The following MINAR1 variants were observed in gnomAD, a reference collection of about 807,000 sequenced individuals.
The protein encoded by MINAR1 is membrane integral NOTCH2 associated receptor 1.
Under a neutral mutation model 65.1 loss-of-function variants are expected in MINAR1, and 40 were observed. The ratio of observed to expected loss-of-function variants is 0.61; its 90% CI spans 0.48 to 0.80. The LOEUF is 0.80. Among genes scored for constraint, MINAR1 ranks in the 30% least tolerant of loss-of-function variants. The probability of loss-of-function intolerance (pLI) is 0.00; values close to 1 mark genes in which losing one functional copy is unlikely to be tolerated. For missense variants in MINAR1, 1,128 were observed against 1,148.0 expected, an observed-to-expected ratio of 0.98 and a Z score of 0.25; for synonymous variants, 482 against 449.1, an observed-to-expected ratio of 1.07 and a Z score of -0.93.
intron 2 of MINAR1, among the ~76,000 whole-genome samples, chr15:79,461,135 T>C (rs1425819736): frequency 6.6e-6 from 1 of 152,218 alleles, no homozygotes; most frequent in African/African-American, 2.4e-5. Flanking sequence ...ATACGTATTA[T>C]GTATATATAT....
In MINAR1 at chr15:79,457,633, G is replaced by A. The variant is rs544980722; in HGVS notation, c.1486G>A (p.Gly496Ser). Residue 496 changes from glycine (G) to serine (S), a missense_variant, in exon 2 of 4, where the codon GGC (glycine) becomes AGC (serine). By Grantham distance (56) the Gly-to-Ser change is moderately conservative. Coordinates refer to ENST00000305428, the MANE Select transcript of MINAR1 (RefSeq NM_015206.3). ...KCRDLCTSGQGKYSDRHTMKH... is the reference protein window; with the variant it reads ...KCRDLCTSGQSKYSDRHTMKH... ...CAGAGACCTGTGCACCTCTGGTCAG[G>A]GCAAGTACAGTGACAGGCACACCAT... 1.2e-6 allele frequency: 2 copies of A among 1,614,158 alleles called. No individual in the cohort carries two copies. The highest frequency in any genetic ancestry group is 1.7e-6 in the Non-Finnish European group (2 of 1,180,038).
chr15:79,467,432 G>A (rs144822998), intron 3 of MINAR1, among the ~76,000 whole-genome samples: 8 of 152,308 alleles, frequency 5.3e-5, no homozygotes, highest in South Asian at 2.1e-4. Flanking sequence ...AACTGTCAAC[G>A]TGGAATAGGA....
intron 1 of MINAR1, among the ~76,000 whole-genome samples, chr15:79,437,104 A>G (rs1894623224): frequency 1.0e-5 from 1 of 96,956 alleles, no homozygotes; most frequent in Admixed American, 1.2e-4. Flanking sequence ...CAAGTAACTA[A>G]CTAAGAAAAC....
In MINAR1 at chr15:79,457,969, C is replaced by A; in HGVS notation, c.1822C>A (p.Arg608=). ...KLVLRIGEIE[R]KLESLSGVRD... The stretch of plus-strand genomic sequence containing the variant: ...GGTGCTCAGGATTGGCGAAATTGAA[C>A]GGAAGCTGGAATCCCTGTCGGGTGT... The change falls in exon 2 of 4, where the codon CGG becomes AGG. Residue 608 remains arginine, a synonymous_variant. Transcript: ENST00000305428. 1.2e-6 allele frequency: 2 copies of A among 1,614,078 alleles called. No individual in the cohort carries two copies. The highest frequency in any genetic ancestry group is 1.7e-6 in the Non-Finnish European group (2 of 1,179,980).
chr15:79,447,443 ATCT>A (rs1426170897), intron 1 of MINAR1, among the ~76,000 whole-genome samples: 1 of 149,640 alleles, frequency 6.7e-6, no homozygotes, highest in Non-Finnish European at 1.5e-5. Flanking sequence ...GTATATTTGT[ATCT>A]TCTTTAAGAT....
chr15:79,469,577 A>ATACTTGATTTTTATTTATT lies in MINAR1; in HGVS notation c.*1194_*1212dup, dbSNP rs1396500286. ...TCTATATGTCTATCTATCTATCTAA[A>ATACTTGATTTTTATTTATT]TACTTGATTTTTATTTATTGTCTTC... On this transcript the variant is annotated 3_prime_UTR_variant, in exon 4 of 4. Coordinates refer to ENST00000305428, the MANE Select transcript of MINAR1 (RefSeq NM_015206.3). 6.6e-6 allele frequency: 1 copy of ATACTTGATTTTTATTTATT among 152,530 alleles called. No homozygotes were observed. The highest frequency in any genetic ancestry group is 1.5e-5 in the Non-Finnish European group (1 of 68,036). The allele number at this position is 152,530 out of a possible 1,614,324, so 9.4% of individuals were successfully genotyped here.
At chr15:79,442,924 A>C (rs990616045) in intron 1 of MINAR1, among the ~76,000 whole-genome samples, 8 of 152,286 alleles carry the variant, frequency 5.3e-5, no homozygotes, top group African/African-American at 1.4e-4. Context: ...AAAGAAAAGA[A>C]TATGATATAG....
At position 79,471,586 on chromosome 15, in the gene MINAR1, G is replaced by A. The variant is rs894473966; in HGVS notation, c.*3202G>A. 6.6e-6 allele frequency: 1 copy of A among 152,556 alleles called. No individual in the cohort carries two copies. Among genetic ancestry groups the A allele is most frequent in the Non-Finnish European group, 1.5e-5 (1 of 68,020 alleles). 9.5% of individuals were successfully genotyped at this position (152,556 alleles called of 1,614,324 possible). On this transcript the variant is annotated 3_prime_UTR_variant, in exon 4 of 4. Coordinates refer to ENST00000305428, the MANE Select transcript of MINAR1 (RefSeq NM_015206.3). Reference sequence around the variant, plus strand: ...TGACATCTGTAAGGCTAGTTTAATAGACGTGCTAAATATCACTGTTCTGAA... The same window carrying A: ...TGACATCTGTAAGGCTAGTTTAATAAACGTGCTAAATATCACTGTTCTGAA...
chr15:79,455,392 C>T (rs149236823), intron 1 of MINAR1, among the ~76,000 whole-genome samples: 1 of 152,120 alleles, frequency 6.6e-6, no homozygotes, highest in Non-Finnish European at 1.5e-5. Context: ...TATGTAATTT[C>T]TAAATTGAGG....
chr15:79,457,242 A>G lies in MINAR1; in HGVS notation c.1095A>G (p.Pro365=). The change falls in exon 2 of 4, where the codon CCA becomes CCG. Residue 365 remains proline (P), a synonymous_variant. Transcript: ENST00000305428. ...LGKPNKQTPW[P]AKSWSLNTEE... ...AGCCCAACAAGCAGACTCCCTGGCC[A>G]GCCAAAAGCTGGAGCCTAAACACAG... 1 of 1,614,186 alleles carries G rather than the reference A, an allele frequency of 6.2e-7. No individual in the cohort carries two copies. The highest frequency in any genetic ancestry group is 8.5e-7 in the Non-Finnish European group (1 of 1,180,034).
chr15:79,457,899 C>T lies in MINAR1; in HGVS notation c.1752C>T (p.Asn584=), dbSNP rs1595948523. 1 of 1,614,116 alleles carries T rather than the reference C, an allele frequency of 6.2e-7. No individual in the cohort carries two copies. The highest frequency in any genetic ancestry group is 8.5e-7 in the Non-Finnish European group (1 of 1,180,018). ...SKGDKGNRPE[N]THHSEEELKT... Reference sequence around the variant, plus strand: ...GAGACAAGGGCAACCGGCCTGAAAACACCCACCACTCGGAAGAAGAGCTGA... The same window carrying T: ...GAGACAAGGGCAACCGGCCTGAAAATACCCACCACTCGGAAGAAGAGCTGA... Residue 584 remains asparagine, a synonymous_variant, in exon 2 of 4, where the codon AAC becomes AAT. Coordinates refer to ENST00000305428, the MANE Select transcript of MINAR1 (RefSeq NM_015206.3).
At chr15:79,432,163 T>C (rs1269562100), upstream of MINAR1, among the ~76,000 whole-genome samples, 4 of 150,046 alleles carry the variant, frequency 2.7e-5, no homozygotes, top group Non-Finnish European at 5.9e-5. Flanking sequence ...CGCCAGGGGT[T>C]GAGGGTGAGG....
chr15:79,456,632 A>T lies in MINAR1; in HGVS notation c.485A>T (p.Asp162Val). The change falls in exon 2 of 4, where the codon GAC (aspartate) becomes GTC (valine). Residue 162 changes from aspartate (D) to valine (V), a missense_variant. Physicochemically the swap from Asp to Val is radical, Grantham distance 152. Coordinates refer to ENST00000305428, the MANE Select transcript of MINAR1 (RefSeq NM_015206.3). ...CAGTCGTCCAAGTGCCGGAAGATGG[A>T]CTGCAAGGACTGCCCACAGTTTGTC... ...IRQSSKCRKM[D>V]CKDCPQFVPA... 3 of 1,614,166 alleles carry T rather than the reference A, an allele frequency of 1.9e-6. No individual in the cohort carries two copies. The highest frequency in any genetic ancestry group is 2.5e-6 in the Non-Finnish European group (3 of 1,180,028).
chr15:79,456,970 G>T lies in MINAR1; in HGVS notation c.823G>T (p.Val275Phe), dbSNP rs377174983. 7 of 1,613,982 alleles carry T rather than the reference G, an allele frequency of 4.3e-6. No individual in the cohort carries two copies. The highest frequency in any genetic ancestry group is 5.9e-6 in the Non-Finnish European group (7 of 1,180,030). Residue 275 changes from valine to phenylalanine, a missense_variant, in exon 2 of 4, where the codon GTT becomes TTT. Val to Phe is a conservative substitution (Grantham distance 50). Transcript: ENST00000305428. ...HNLMAVSPSLVGPISKAENEH... is the reference protein window; with the variant it reads ...HNLMAVSPSLFGPISKAENEH... ...TTTGATGGCAGTGTCCCCCAGTTTG[G>T]TTGGCCCCATCAGCAAAGCAGAGAA...
At position 79,457,857 on chromosome 15, in the gene MINAR1, G is replaced by A. The variant is rs769783737; in HGVS notation, c.1710G>A (p.Gly570=). The A allele has an allele frequency of 1.9e-6, 3 of 1,613,990 alleles. No individual in the cohort carries two copies. Among genetic ancestry groups the A allele is most frequent in the Non-Finnish European group, 2.5e-6 (3 of 1,180,020 alleles). Residue 570 remains glycine, a synonymous_variant, in exon 2 of 4, where the codon GGG becomes GGA. Transcript: ENST00000305428. The part of the protein sequence containing the change: ...PEHNLTKIAN[G]VPNSKGDKGN... ...ACAACTTAACCAAAATTGCCAATGG[G>A]GTCCCCAACAGCAAGGGAGACAAGG...
chr15:79,435,724 T>C (rs554399674), intron 1 of MINAR1, among the ~76,000 whole-genome samples: 2 of 152,226 alleles, frequency 1.3e-5, no homozygotes, highest in Non-Finnish European at 2.9e-5. Flanking sequence ...GTGGAAATCT[T>C]AGGAGAGCAG....
rs3803543 is a variant in MINAR1 at position 79,471,262 on chromosome 15, C to T, written c.*2878C>T. ...ATTACAACGTTATCAAAATTCACTTCGTTTTTCCTGCATTTTAAAAGTAAT... is the reference window on the plus strand; with the variant it reads ...ATTACAACGTTATCAAAATTCACTTTGTTTTTCCTGCATTTTAAAAGTAAT... On this transcript the variant is annotated 3_prime_UTR_variant, in exon 4 of 4. Transcript: ENST00000305428. 1,851 of 152,338 alleles carry T rather than the reference C, an allele frequency of 0.012. 177 individuals are homozygous for T. In the East Asian group the frequency reaches 0.25, roughly 20 times the overall value. The allele number at this position is 152,338 out of a possible 1,614,324, so 9.4% of individuals were successfully genotyped here. A position where few individuals can be genotyped will look rare whatever the true frequency, so the allele number is the denominator to read the frequency against.
the MINAR1 span, chr15:79,417,889 T>A: frequency 6.6e-5 from 10 of 152,348 alleles, no homozygotes; most frequent in East Asian, 1.7e-3. Flanking sequence ...AAATAGCTGC[T>A]TCTTAAGGAT....
intron 2 of MINAR1, 94 bp downstream of exon 2, chr15:79,458,539 G>A (rs904639775): frequency 4.6e-5 from 66 of 1,437,458 alleles, no homozygotes; most frequent in Non-Finnish European, 6.2e-5. Flanking sequence ...ACAGGCAAGA[G>A]GCCTGGCCTC....
Sources: allele counts gnomAD v4.1 joint callset (sites outside exome capture counted in the v4.1 genomes callset), GRCh38; gene constraint gnomAD v4.1.1; transcripts MANE v1.5; gene names NCBI Gene and HGNC (gene_info 2026-07-23, HGNC 2026-07-21).